Variants in FILIP1L observed in about 807,000 individuals in gnomAD.
FILIP1L encodes filamin A interacting protein 1 like.
A neutral mutation model predicts 96.6 loss-of-function variants in FILIP1L; 55 were observed. The observed-to-expected ratio is 0.57, with a 90% confidence interval of 0.46 to 0.71. The LOEUF is 0.71. Ranked by LOEUF, FILIP1L falls within the 30% of genes least tolerant of loss-of-function variation. The pLI, the probability that FILIP1L is intolerant of heterozygous loss-of-function variation, is 0.00. For missense variants in FILIP1L, 1,304 were observed against 1,321.2 expected, an observed-to-expected ratio of 0.99 and a Z score of 0.20; for synonymous variants, 467 against 473.9, an observed-to-expected ratio of 0.99 and a Z score of 0.19.
At chr3:100,074,200 C>T (rs1283973336) in intron 1 of FILIP1L, among the ~76,000 whole-genome samples, 1 of 152,114 alleles carries the variant, frequency 6.6e-6, no homozygotes, top group Non-Finnish European at 1.5e-5. Flanking sequence ...CAGTGGAGTC[C>T]GAGAGCTCTA....
At position 99,876,252 on chromosome 3, in the gene FILIP1L, C is replaced by A. The variant is rs568631754; in HGVS notation, c.606-25182G>T. The A allele has an allele frequency of 3.4e-4, 334 of 984,050 alleles. No individual in the cohort carries two copies. In the African/African-American group the frequency reaches 5.5e-3, roughly 16 times the overall value. The allele number at this position is 984,050 out of a possible 1,614,324, so 61.0% of individuals were successfully genotyped here. ...TATAAGGCGCTCCGCGTGTGCGGCG[C>A]TGTCGGCGGGGGCGCCGGTGACCGC... On this transcript the variant is annotated intron_variant, in intron 4 of 5. Coordinates refer to ENST00000477258, the MANE Select transcript of FILIP1L (RefSeq NM_001387850.1).
intron 1 of FILIP1L, among the ~76,000 whole-genome samples, chr3:100,048,295 A>T (rs952864942): frequency 6.6e-5 from 10 of 152,232 alleles, no homozygotes; most frequent in Non-Finnish European, 1.3e-4. Flanking sequence ...TAATTTGGTT[A>T]TGCTTTAGTC....
intron 4 of FILIP1L, among the ~76,000 whole-genome samples, chr3:99,896,914 C>T (rs793461): frequency 0.27 from 40,322 of 152,064 alleles, 6,049 homozygotes; most frequent in Admixed American, 0.34. Flanking sequence ...TTTCCACTCA[C>T]CTGTCATACA....
chr3:100,080,253 G>A (rs2065910837), intron 1 of FILIP1L, among the ~76,000 whole-genome samples: 1 of 152,048 alleles, frequency 6.6e-6, no homozygotes, highest in African/African-American at 2.4e-5. Flanking sequence ...AAAGTATTGG[G>A]ATTACAAGCA....
intron 1 of FILIP1L, among the ~76,000 whole-genome samples, chr3:99,986,809 A>G (rs1709354808): frequency 6.6e-6 from 1 of 152,192 alleles, no homozygotes; most frequent in Non-Finnish European, 1.5e-5. Flanking sequence ...GGTTTCTGCT[A>G]AATGTCTGCA....
chr3:100,049,782 C>G (rs1296858571), intron 1 of FILIP1L, among the ~76,000 whole-genome samples: 1 of 152,174 alleles, frequency 6.6e-6, no homozygotes, highest in African/African-American at 2.4e-5. Context: ...TTTCTTTTCT[C>G]TAGCTCACTT....
chr3:99,941,289 G>A (rs1327558977), intron 1 of FILIP1L, among the ~76,000 whole-genome samples: 1 of 151,994 alleles, frequency 6.6e-6, no homozygotes, highest in Non-Finnish European at 1.5e-5. Flanking sequence ...ATTAATAGTA[G>A]AAATACAGGT....
At chr3:99,928,553 G>T (rs921837277) in intron 3 of FILIP1L, among the ~76,000 whole-genome samples, 1 of 152,140 alleles carries the variant, frequency 6.6e-6, no homozygotes, top group Non-Finnish European at 1.5e-5. Flanking sequence ...TTGTAGAAGG[G>T]GGGTATTTCC....
At chr3:99,874,547 A>G (rs1705406427) in intron 4 of FILIP1L, 2 of 152,196 alleles carry the variant, frequency 1.3e-5, no homozygotes, top group East Asian at 3.8e-4. Flanking sequence ...TGCAGTTTAT[A>G]TAGCCTATCC....
At chr3:100,059,808 GTA>G (rs1213259350) in intron 1 of FILIP1L, among the ~76,000 whole-genome samples, 1 of 152,130 alleles carries the variant, frequency 6.6e-6, no homozygotes, top group African/African-American at 2.4e-5. Context: ...CTGTGTGTAT[GTA>G]TCATCTCCTG....
chr3:99,986,282 G>T (rs974075155), intron 1 of FILIP1L, among the ~76,000 whole-genome samples: 10 of 152,174 alleles, frequency 6.6e-5, no homozygotes, highest in African/African-American at 2.4e-4. Context: ...CCAGGAACAG[G>T]TGTTTTTTCA....
At chr3:99,988,757 C>A (rs1269011537) in intron 1 of FILIP1L, among the ~76,000 whole-genome samples, 1 of 152,126 alleles carries the variant, frequency 6.6e-6, no homozygotes, top group Non-Finnish European at 1.5e-5. Context: ...ATAACTTTTA[C>A]AGAAACATAG....
intron 1 of FILIP1L, among the ~76,000 whole-genome samples, chr3:100,059,686 G>A (rs894233812): frequency 5.9e-5 from 9 of 152,160 alleles, no homozygotes; most frequent in African/African-American, 2.2e-4. Context: ...GACCCATCAT[G>A]CCTGAAGAAG....
At position 99,918,230 on chromosome 3, in the gene FILIP1L, C is replaced by T. The variant is rs138857964; in HGVS notation, c.605+6000G>A. Among the ~76,000 whole-genome samples the T allele has an allele frequency of 4.6e-3, 695 of 152,246 alleles. 2 individuals carry two copies. The highest frequency in any genetic ancestry group is 7.1e-3 in the South Asian group (34 of 4,820). ...TGACCTCATTATCTCCCTGCCTTGG[C>T]TTCCCAAAGTGCTAGGATTACAGGT... On this transcript the variant is annotated intron_variant, in intron 4 of 5. Transcript: ENST00000477258.
chr3:100,077,833 A>C (rs968267774), intron 1 of FILIP1L, among the ~76,000 whole-genome samples: 3 of 152,162 alleles, frequency 2.0e-5, no homozygotes, highest in African/African-American at 7.2e-5. Flanking sequence ...ACTTGAGCCC[A>C]GGAGGTAGAG....
intron 1 of FILIP1L, among the ~76,000 whole-genome samples, chr3:100,110,358 G>A (rs569873293): frequency 2.6e-5 from 4 of 152,042 alleles, no homozygotes; most frequent in African/African-American, 9.6e-5. Flanking sequence ...TTTTGTTTCA[G>A]GGTCAGGAGC....
intron 4 of FILIP1L, among the ~76,000 whole-genome samples, chr3:99,852,438 T>G (rs1253289743): frequency 6.6e-6 from 1 of 151,520 alleles, no homozygotes; most frequent in Non-Finnish European, 1.5e-5. Context: ...GAGAACTTTT[T>G]ATTTATTTTA....
Position 99,850,767 on chromosome 3 carries a change from G to T in FILIP1L, c.909C>A (p.His303Gln). ...KELQTQTTKFHQDQDTIMAKL... is the reference protein window; with the variant it reads ...KELQTQTTKFQQDQDTIMAKL... ...TCGCCATAATTGTGTCTTGGTCTTG[G>T]TGAAACTTTGTGGTCTGCGTTTGCA... is the stretch of plus-strand genomic sequence containing the variant. The change falls in exon 5 of 6, where the codon CAC (histidine) becomes CAA (glutamine). Residue 303 changes from histidine to glutamine, a missense_variant. By Grantham distance (24) the His-to-Gln change is conservative (BLOSUM62 0). Transcript: ENST00000477258. The T allele has an allele frequency of 6.2e-7, 1 of 1,614,154 alleles. No individual in the cohort carries two copies. The highest frequency in any genetic ancestry group is 1.1e-5 in the South Asian group (1 of 91,078).
At chr3:99,982,846 CA>C (rs1394722861) in intron 1 of FILIP1L, among the ~76,000 whole-genome samples, 2 of 152,084 alleles carry the variant, frequency 1.3e-5, no homozygotes, top group Non-Finnish European at 2.9e-5. Flanking sequence ...GTAATTTATG[CA>C]GCAATAAAAA....
Sources: gnomAD v4.1 joint callset for allele counts (sites outside exome capture counted in the v4.1 genomes callset) on GRCh38, gnomAD v4.1.1 for gene constraint, MANE v1.5 for transcripts, NCBI Gene and HGNC (gene_info 2026-07-23, HGNC 2026-07-21) for gene names.